Variants in TAFA1 observed in about 807,000 individuals in gnomAD.
TAFA1 encodes chemokine-like protein TAFA-1.
TAFA1 carries 4 observed loss-of-function variants against 18.5 expected under a neutral mutation model. The observed-to-expected ratio is 0.22, with a 90% CI of 0.11 to 0.49. The LOEUF (loss-of-function observed/expected upper bound fraction) is 0.49. Among genes scored for constraint, TAFA1 ranks in the 20% least tolerant of loss-of-function variants. The pLI is 0.98. For missense variants in TAFA1, 147 were observed against 169.0 expected, an observed-to-expected ratio of 0.87 and a Z score of 0.72; for synonymous variants, 56 against 55.2, an observed-to-expected ratio of 1.01 and a Z score of -0.06.
chr3:68,486,966 G>A (rs1421976011), intron 3 of TAFA1, among the ~76,000 whole-genome samples: 1 of 152,132 alleles, frequency 6.6e-6, no homozygotes, highest in African/African-American at 2.4e-5. Context: ...TTGCCAGTAA[G>A]TTTTGACAAC....
At chr3:68,397,759 A>G (rs1211417956) in intron 2 of TAFA1, among the ~76,000 whole-genome samples, 2 of 152,208 alleles carry the variant, frequency 1.3e-5, no homozygotes, top group Non-Finnish European at 2.9e-5. Flanking sequence ...ACAATGGTTG[A>G]ACTAATTTAT....
At chr3:68,066,769 A>G (rs1245580637) in intron 2 of TAFA1, among the ~76,000 whole-genome samples, 1 of 152,188 alleles carries the variant, frequency 6.6e-6, no homozygotes, top group East Asian at 1.9e-4. Context: ...GAGGCAACAA[A>G]AAGCTGAGGC....
chr3:68,443,269 G>C (rs1266140865), intron 3 of TAFA1, among the ~76,000 whole-genome samples: 1 of 152,002 alleles, frequency 6.6e-6, no homozygotes, highest in East Asian at 1.9e-4. Context: ...CTGGAAGGCA[G>C]CTACCTTTTT....
intron 2 of TAFA1, among the ~76,000 whole-genome samples, chr3:68,396,240 A>G (rs1196050805): frequency 6.6e-6 from 1 of 152,144 alleles, no homozygotes; most frequent in Non-Finnish European, 1.5e-5. Flanking sequence ...GAAATGTAAT[A>G]TATACTGATA....
At chr3:68,019,690 T>A (rs1359754674) in intron 2 of TAFA1, among the ~76,000 whole-genome samples, 1 of 152,160 alleles carries the variant, frequency 6.6e-6, no homozygotes, top group Non-Finnish European at 1.5e-5. Context: ...CATAGCCTAA[T>A]AACATGTTAG....
intron 2 of TAFA1, among the ~76,000 whole-genome samples, chr3:68,395,224 T>A (rs72628612): frequency 0.027 from 4,106 of 152,150 alleles, 84 homozygotes; most frequent in East Asian, 0.092. Context: ...GAGAATTGCA[T>A]ATTAAAAGCA....
At chr3:68,063,627 T>G (rs561878731) in intron 2 of TAFA1, among the ~76,000 whole-genome samples, 1 of 152,272 alleles carries the variant, frequency 6.6e-6, no homozygotes, top group Admixed American at 6.5e-5. Flanking sequence ...GCAGATGGCT[T>G]GAAAAATCAC....
chr3:67,994,076 T>A, the TAFA1 span, among the ~76,000 whole-genome samples: 169 of 152,344 alleles, frequency 1.1e-3, no homozygotes, highest in African/African-American at 3.8e-3. Context: ...GATGTCTACA[T>A]TTAACAATCA....
chr3:68,489,762 A>G (rs895939978), intron 3 of TAFA1, among the ~76,000 whole-genome samples: 5 of 152,224 alleles, frequency 3.3e-5, no homozygotes, highest in Non-Finnish European at 7.3e-5. Flanking sequence ...ACATGGTAAA[A>G]TAAAAGAATG....
chr3:68,229,583 C>T (rs1211617122), intron 2 of TAFA1, among the ~76,000 whole-genome samples: 1 of 152,092 alleles, frequency 6.6e-6, no homozygotes, highest in East Asian at 1.9e-4. Context: ...GAAACATAGG[C>T]TGGAACTGTA....
At chr3:68,145,846 T>C (rs2065733457) in intron 2 of TAFA1, among the ~76,000 whole-genome samples, 1 of 152,208 alleles carries the variant, frequency 6.6e-6, no homozygotes, top group African/African-American at 2.4e-5. Flanking sequence ...CTTGAATTCA[T>C]AAAGCTCCTG....
At chr3:68,529,436 TAAAAAAAAAAAA>T (rs533214097) in intron 3 of TAFA1, among the ~76,000 whole-genome samples, 7 of 77,070 alleles carry the variant, frequency 9.1e-5, no homozygotes, top group African/African-American at 3.2e-4. Context: ...CACCATTCTC[TAAAAAAAAAAAA>T]AAAAAAAAAA....
chr3:68,367,134 A>G (rs2069590449), intron 2 of TAFA1, among the ~76,000 whole-genome samples: 2 of 152,226 alleles, frequency 1.3e-5, no homozygotes, highest in Non-Finnish European at 2.9e-5. Flanking sequence ...AGCAATTTAG[A>G]TCGTGCTAGC....
At chr3:68,306,547 T>C (rs975891718) in intron 2 of TAFA1, among the ~76,000 whole-genome samples, 11 of 152,224 alleles carry the variant, frequency 7.2e-5, no homozygotes, top group South Asian at 2.1e-4. Flanking sequence ...CTGTCAAAAA[T>C]AGATTTTGAC....
At chr3:68,480,492 A>T (rs949577360) in intron 3 of TAFA1, among the ~76,000 whole-genome samples, 3 of 152,208 alleles carry the variant, frequency 2.0e-5, no homozygotes, top group African/African-American at 7.2e-5. Context: ...CAGTACGGTA[A>T]TCTCTGTTAT....
In TAFA1 at chr3:68,151,712, G is replaced by A. The variant is rs192580544; in HGVS notation, c.118+144968G>A. 2.2e-3 allele frequency among the ~76,000 whole-genome samples: 330 copies of A among 152,200 alleles called. 1 individual carries two copies. The highest frequency in any genetic ancestry group is 3.3e-3 in the Non-Finnish European group (227 of 68,000). On this transcript the variant is annotated intron_variant, in intron 2 of 4. Transcript: ENST00000478136. ...ATAATGACATTTATTCATTTATAAG[G>A]ACAGATCCCTTATGATGTAATCACC...
At chr3:68,068,391 G>A (rs1404131967) in intron 2 of TAFA1, among the ~76,000 whole-genome samples, 3 of 152,062 alleles carry the variant, frequency 2.0e-5, no homozygotes, top group South Asian at 2.1e-4. Flanking sequence ...TAGCTCAGAC[G>A]GATTTCTCTT....
chr3:68,179,017 T>C (rs191869499), intron 2 of TAFA1, among the ~76,000 whole-genome samples: 15 of 152,276 alleles, frequency 9.9e-5, no homozygotes, highest in Admixed American at 5.9e-4. Context: ...GTTTTTACTG[T>C]TAACATATCA....
At chr3:68,390,166 G>A (rs1379085101) in intron 2 of TAFA1, among the ~76,000 whole-genome samples, 1 of 152,116 alleles carries the variant, frequency 6.6e-6, no homozygotes, top group African/African-American at 2.4e-5. Context: ...AAGCTTGGTG[G>A]GGGAAGGGGC....
Sources: gnomAD v4.1 joint callset for allele counts (sites outside exome capture counted in the v4.1 genomes callset) on GRCh38, gnomAD v4.1.1 for gene constraint, MANE v1.5 for transcripts, NCBI Gene and HGNC (gene_info 2026-07-23, HGNC 2026-07-21) for gene names.